HABP2: variants seen among roughly 807,000 people sequenced by gnomAD.
HABP2 encodes factor VII-activating protease.
HABP2 carries 65 observed loss-of-function variants against 66.5 expected under a neutral mutation model. The observed-to-expected ratio is 0.98, with a 90% confidence interval of 0.80 to 1.20. The LOEUF (loss-of-function observed/expected upper bound fraction) is 1.20. Ranked by LOEUF, HABP2 falls within the 50% of genes most tolerant of loss-of-function variation. HABP2 has a pLI of 0.00. For synonymous variants in HABP2, 263 were observed against 253.9 expected, an observed-to-expected ratio of 1.04 and a Z score of -0.34; for missense variants, 786 against 691.0, an observed-to-expected ratio of 1.14 and a Z score of -1.54.
At chr10:113,569,974 CATTTT>C in intron 2 of HABP2, 1 of 152,242 alleles carries the variant, frequency 6.6e-6, no homozygotes, top group African/African-American at 2.4e-5. Context: ...GAACTCTGAG[CATTTT>C]CTGAGAGACC....
intron 1 of HABP2, among the ~76,000 whole-genome samples, chr10:113,566,162 G>A (rs1008988126): frequency 1.3e-5 from 2 of 152,224 alleles, no homozygotes; most frequent in Non-Finnish European, 2.9e-5. Flanking sequence ...TGGCGGCCAA[G>A]ACCCAAAGGG....
chr10:113,578,425 C>T (rs777508940), intron 6 of HABP2, among the ~76,000 whole-genome samples: 13 of 152,202 alleles, frequency 8.5e-5, no homozygotes, highest in Non-Finnish European at 1.5e-4. Context: ...GCTCCCACAC[C>T]CTACAACCAC....
chr10:113,577,526 A>G (rs1400651366), intron 5 of HABP2, among the ~76,000 whole-genome samples: 2 of 152,210 alleles, frequency 1.3e-5, no homozygotes, highest in Non-Finnish European at 2.9e-5. Context: ...TCTATTCCTG[A>G]GAGGGACCAA....
intron 12 of HABP2, 75 bp from the exon 13 acceptor site, chr10:113,588,130 C>A: frequency 1.6e-6 from 2 of 1,281,404 alleles, no homozygotes; most frequent in Non-Finnish European, 2.2e-6. Context: ...TCCCTGACAC[C>A]CCCTGGAGAG....
intron 12 of HABP2, among the ~76,000 whole-genome samples, 172 bp downstream of exon 12, chr10:113,586,110 C>T (rs1845628990): frequency 1.3e-5 from 2 of 152,228 alleles, no homozygotes; most frequent in Admixed American, 1.3e-4. Flanking sequence ...TCTGCATCCG[C>T]ATCAACCCAG....
At chr10:113,566,422 ACTTT>A in intron 1 of HABP2, among the ~76,000 whole-genome samples, 1 of 152,380 alleles carries the variant, frequency 6.6e-6, no homozygotes, top group Non-Finnish European at 1.5e-5. Flanking sequence ...AATGAGTAAT[ACTTT>A]CTTTTTCAGG....
At position 113,575,949 on chromosome 10, in the gene HABP2, G is replaced by A. The variant is rs768605771; in HGVS notation, c.276G>A (p.Gly92=). The A allele has an allele frequency of 2.5e-6, 4 of 1,613,008 alleles. No homozygotes were observed. The South Asian group carries it at 4.4e-5, about 18-fold the overall frequency. The change falls in exon 4 of 13, where the codon GGG becomes GGA. Residue 92 remains glycine (G), a synonymous_variant. Coordinates refer to ENST00000351270, the MANE Select transcript of HABP2 (RefSeq NM_004132.5). ...CEHGGDCLVH[G]STFTCSCLAP... ...ACGGTGGGGACTGCCTCGTCCATGG[G>A]AGCACCTTCACATGCAGCTGCCTGG...
At chr10:113,566,478 A>T (rs547996763) in intron 1 of HABP2, among the ~76,000 whole-genome samples, 366 of 152,318 alleles carry the variant, frequency 2.4e-3, no homozygotes, top group African/African-American at 8.3e-3. Flanking sequence ...GTCATTATTT[A>T]TTTATTCAGC....
intron 2 of HABP2, among the ~76,000 whole-genome samples, chr10:113,567,832 A>G (rs924037036): frequency 1.3e-5 from 2 of 152,234 alleles, no homozygotes; most frequent in Non-Finnish European, 2.9e-5. Context: ...ACTCCTGGCC[A>G]CACAGCGAAT....
chr10:113,578,779 G>T lies in HABP2; in HGVS notation c.721G>T (p.Gly241Trp). The change falls in exon 7 of 13, where the codon GGG becomes TGG. Residue 241 changes from glycine (G) to tryptophan (W), a missense_variant. Coordinates refer to ENST00000351270, the MANE Select transcript of HABP2 (RefSeq NM_004132.5). The part of the protein sequence containing the change: ...FMEDAETHGI[G>W]EHNFCRNPDA... The stretch of plus-strand genomic sequence containing the variant: ...GGAGGATGCTGAAACCCATGGGATT[G>T]GGGAACACAATTTCTGCAGGTAACA... 1 of 1,610,934 alleles carries T rather than the reference G, an allele frequency of 6.2e-7. No individual in the cohort carries two copies.
Position 113,589,572 on chromosome 10 carries a change from C to A in HABP2, c.*1203C>A, listed in dbSNP as rs1283118378. The A allele has an allele frequency of 2.0e-6, 3 of 1,473,046 alleles. No individual in the cohort carries two copies. Among genetic ancestry groups the A allele is most frequent in the Admixed American group, 2.0e-5 (1 of 50,742 alleles). The allele number at this position is 1,473,046 out of a possible 1,614,324, so 91.2% of individuals were successfully genotyped here. Reference sequence around the variant, plus strand: ...TTCACACTTCTTTAGAGCTAGCTGACCTTTGGCCAAAAATAAACTTTGAAA... The same window carrying A: ...TTCACACTTCTTTAGAGCTAGCTGAACTTTGGCCAAAAATAAACTTTGAAA... On this transcript the variant is annotated 3_prime_UTR_variant, in exon 13 of 13. Coordinates refer to ENST00000351270, the MANE Select transcript of HABP2 (RefSeq NM_004132.5).
chr10:113,589,404 G>C lies in HABP2; in HGVS notation c.*1035G>C. The C allele has an allele frequency of 3.5e-6, 2 of 576,426 alleles. No individual in the cohort carries two copies. The allele number at this position is 576,426 out of a possible 1,614,324, so 35.7% of individuals were successfully genotyped here. ...AGCACAGCCTGGGCTGCCCTGGCCC[G>C]GGATTGATGTAGCCCCGGTAGGTTT... On this transcript the variant is annotated 3_prime_UTR_variant, in exon 13 of 13. Transcript: ENST00000351270.
chr10:113,559,014 C>G (rs1417169408), intron 1 of HABP2, among the ~76,000 whole-genome samples: 1 of 152,164 alleles, frequency 6.6e-6, no homozygotes, highest in East Asian at 1.9e-4. Context: ...GCCACCACGC[C>G]CAGCTAATTT....
chr10:113,557,011 C>T (rs1286428335), intron 1 of HABP2, among the ~76,000 whole-genome samples: 1 of 152,128 alleles, frequency 6.6e-6, no homozygotes, highest in Non-Finnish European at 1.5e-5. Flanking sequence ...CCTTACTGCA[C>T]TTCTCTGGTT....
intron 4 of HABP2, 122 bp downstream of exon 4, chr10:113,576,126 T>G: frequency 1.5e-6 from 1 of 667,496 alleles, no homozygotes; most frequent in Non-Finnish European, 2.7e-6. Context: ...GTATCATGCA[T>G]AGTGTATTCC....
chr10:113,569,366 A>T (rs1209229329), intron 2 of HABP2, among the ~76,000 whole-genome samples: 2 of 152,266 alleles, frequency 1.3e-5, no homozygotes, highest in East Asian at 1.9e-4. Flanking sequence ...CAAAGAGTAG[A>T]TTCAGTTTAA....
intron 2 of HABP2, among the ~76,000 whole-genome samples, chr10:113,572,112 A>C (rs1474111805): frequency 1.3e-5 from 2 of 152,232 alleles, no homozygotes; most frequent in Non-Finnish European, 2.9e-5. Context: ...ACCTGGGGCC[A>C]CTGAGCTCTG....
At chr10:113,566,835 C>T (rs944737845) in intron 1 of HABP2, among the ~76,000 whole-genome samples, 1 of 152,106 alleles carries the variant, frequency 6.6e-6, no homozygotes, top group Admixed American at 6.5e-5. Context: ...TATCTTGCGC[C>T]ATTTTGAAGC....
chr10:113,581,678 C>T (rs1202244806), intron 8 of HABP2, among the ~76,000 whole-genome samples, 198 bp from the exon 9 acceptor site: 3 of 152,248 alleles, frequency 2.0e-5, no homozygotes, highest in Non-Finnish European at 4.4e-5. Flanking sequence ...ATTCTATAGA[C>T]TTGCTTTATG....
Sources: gnomAD v4.1 joint callset for allele counts (sites outside exome capture counted in the v4.1 genomes callset) on GRCh38, gnomAD v4.1.1 for gene constraint, MANE v1.5 for transcripts, NCBI Gene and HGNC (gene_info 2026-07-23, HGNC 2026-07-21) for gene names.